GRIK2: variants seen among roughly 807,000 people sequenced by gnomAD.
GRIK2 encodes the protein glutamate receptor ionotropic, kainate 2.
Under a neutral mutation model 100.3 loss-of-function variants are expected in GRIK2, and 32 were observed. That is an observed-to-expected ratio of 0.32 (90% CI 0.24 to 0.43). The LOEUF (loss-of-function observed/expected upper bound fraction) is 0.43, where lower values mean the gene tolerates loss of function less well. GRIK2 is among the 20% of genes least tolerant of loss of function. GRIK2 has a pLI of 1.00. For missense variants in GRIK2, 843 were observed against 1,114.9 expected (o/e 0.76, Z 3.47); for synonymous variants, 417 against 389.4 (o/e 1.07, Z -0.83).
chr6:101,815,972 A>G (rs1235519263), intron 9 of GRIK2, among the ~76,000 whole-genome samples: 2 of 152,230 alleles, frequency 1.3e-5, no homozygotes, highest in Non-Finnish European at 2.9e-5. Context: ...CTCCAAAAAA[A>G]CTAGAAAAGC....
intron 10 of GRIK2, among the ~76,000 whole-genome samples, chr6:101,823,623 G>C (rs1782106228): frequency 6.6e-6 from 1 of 151,902 alleles, no homozygotes; most frequent in East Asian, 1.9e-4. Flanking sequence ...TTGCATAGAG[G>C]TTGTTAAAAT....
chr6:101,649,286 C>T (rs62421392), intron 4 of GRIK2, among the ~76,000 whole-genome samples: 16,497 of 152,048 alleles, frequency 0.11, 1,109 homozygotes, highest in Admixed American at 0.2. Context: ...TTTCCATCAC[C>T]TCAATCCCCT....
intron 7 of GRIK2, among the ~76,000 whole-genome samples, chr6:101,777,325 C>T (rs529351550): frequency 3.0e-4 from 46 of 152,260 alleles, no homozygotes; most frequent in Admixed American, 1.8e-3. Flanking sequence ...AGCCTGTTCT[C>T]CATGTGTGAC....
intron 7 of GRIK2, among the ~76,000 whole-genome samples, chr6:101,749,800 T>C (rs1206342192): frequency 1.4e-5 from 2 of 146,778 alleles, no homozygotes; most frequent in Non-Finnish European, 3.0e-5. Context: ...TGTGTGCCAG[T>C]TTCTTTTTTT....
chr6:102,001,386 G>A (rs759888835), intron 14 of GRIK2, among the ~76,000 whole-genome samples: 6 of 150,602 alleles, frequency 4.0e-5, no homozygotes, highest in Non-Finnish European at 5.9e-5. Context: ...GCCCCAGTAT[G>A]TGATGTTCCC....
At chr6:101,463,979 C>T (rs1281514689) in intron 2 of GRIK2, among the ~76,000 whole-genome samples, 3 of 152,020 alleles carry the variant, frequency 2.0e-5, no homozygotes, top group Non-Finnish European at 4.4e-5. Context: ...GCAAGAATTC[C>T]CTGGTCCTTC....
At chr6:101,801,429 A>G (rs1780661967) in intron 8 of GRIK2, among the ~76,000 whole-genome samples, 1 of 152,050 alleles carries the variant, frequency 6.6e-6, no homozygotes. Flanking sequence ...AAAACTAAGA[A>G]TCTTGCACAT....
chr6:101,517,289 T>TTC (rs1404282684), intron 2 of GRIK2, among the ~76,000 whole-genome samples: 2 of 152,084 alleles, frequency 1.3e-5, no homozygotes, highest in African/African-American at 2.4e-5. Flanking sequence ...CTGTAAAACT[T>TTC]TAAGAAAGTC....
At chr6:101,825,917 T>C (rs1782294360) in intron 10 of GRIK2, among the ~76,000 whole-genome samples, 1 of 152,126 alleles carries the variant, frequency 6.6e-6, no homozygotes, top group Non-Finnish European at 1.5e-5. Flanking sequence ...GATTCAAATG[T>C]AAATTTGCAA....
intron 14 of GRIK2, among the ~76,000 whole-genome samples, chr6:101,986,948 T>C (rs1794045240): frequency 6.6e-6 from 1 of 151,798 alleles, no homozygotes; most frequent in East Asian, 1.9e-4. Flanking sequence ...AAGATCAGCC[T>C]TGACAAAACA....
chr6:101,629,822 A>G (rs1482114585), intron 4 of GRIK2, among the ~76,000 whole-genome samples: 1 of 152,060 alleles, frequency 6.6e-6, no homozygotes, highest in African/African-American at 2.4e-5. Context: ...CACCCAATGA[A>G]CAGGGTATCC....
chr6:102,064,148 T>C (rs1466687363), intron 16 of GRIK2: 2 of 639,700 alleles, frequency 3.1e-6, no homozygotes. Context: ...ACTGACCTTA[T>C]TTAATGACAC....
At chr6:101,491,239 A>G (rs1773088160) in intron 2 of GRIK2, among the ~76,000 whole-genome samples, 1 of 149,650 alleles carries the variant, frequency 6.7e-6, no homozygotes, top group Admixed American at 6.7e-5. Flanking sequence ...TTTGTTTGTC[A>G]TTCTAGACCT....
intron 14 of GRIK2, among the ~76,000 whole-genome samples, chr6:101,974,089 G>T (rs1356574139): frequency 1.3e-5 from 2 of 151,756 alleles, no homozygotes; most frequent in Non-Finnish European, 2.9e-5. Flanking sequence ...TAATAATAGA[G>T]TCTCTACTAT....
intron 2 of GRIK2, among the ~76,000 whole-genome samples, chr6:101,532,958 A>T (rs1317649676): frequency 6.6e-6 from 1 of 151,904 alleles, no homozygotes; most frequent in Non-Finnish European, 1.5e-5. Context: ...GATATGAGGA[A>T]AAGAAAGGAT....
At chr6:101,471,025 A>G (rs1326746768) in intron 2 of GRIK2, among the ~76,000 whole-genome samples, 1 of 152,116 alleles carries the variant, frequency 6.6e-6, no homozygotes, top group African/African-American at 2.4e-5. Context: ...TTTTTGTGTC[A>G]TTATGCAAAA....
intron 4 of GRIK2, among the ~76,000 whole-genome samples, chr6:101,636,804 C>A (rs1039982287): frequency 6.6e-6 from 1 of 151,998 alleles, no homozygotes; most frequent in Non-Finnish European, 1.5e-5. Context: ...TAGTCAAACA[C>A]TGCCATTTTT....
intron 14 of GRIK2, among the ~76,000 whole-genome samples, chr6:101,963,351 G>C (rs1165119016): frequency 8.5e-6 from 1 of 118,202 alleles, no homozygotes; most frequent in Non-Finnish European, 1.6e-5. Flanking sequence ...AGGCTGGAGT[G>C]CAGTGGCACC....
intron 9 of GRIK2, among the ~76,000 whole-genome samples, chr6:101,810,024 C>T (rs1002820179): frequency 1.7e-4 from 26 of 151,660 alleles, no homozygotes; most frequent in African/African-American, 6.3e-4. Flanking sequence ...TTTGGCCCAC[C>T]AATGAATATT....
Sources: allele counts gnomAD v4.1 joint callset (sites outside exome capture counted in the v4.1 genomes callset), GRCh38; gene constraint gnomAD v4.1.1; transcripts MANE v1.5; gene names NCBI Gene and HGNC (gene_info 2026-07-23, HGNC 2026-07-21).